CUX1: variants seen among roughly 807,000 people sequenced by gnomAD.
CUX1 encodes the protein cut like homeobox 1.
Under a neutral mutation model 158.8 loss-of-function variants are expected in CUX1, and 31 were observed. The ratio of observed to expected loss-of-function variants is 0.20; its 90% confidence interval spans 0.15 to 0.26. CUX1 has a LOEUF of 0.26. CUX1 is among the 10% of genes least tolerant of loss of function. CUX1 has a pLI of 1.00. For missense variants in CUX1, 1,589 were observed against 2,014.6 expected (o/e 0.79, Z 4.04); for synonymous variants, 879 against 862.1 (o/e 1.02, Z -0.34).
At chr7:101,883,238 T>C (rs1395371724) in intron 1 of CUX1, among the ~76,000 whole-genome samples, 1 of 152,246 alleles carries the variant, frequency 6.6e-6, no homozygotes, top group Non-Finnish European at 1.5e-5. Flanking sequence ...ATTTATGTTA[T>C]GGGGTGAGTT....
chr7:102,125,172 C>T (rs548267496), intron 8 of CUX1, among the ~76,000 whole-genome samples: 34 of 152,296 alleles, frequency 2.2e-4, no homozygotes, highest in African/African-American at 7.9e-4. Context: ...CGTGGCTCTC[C>T]AGGAACTCTT....
intron 21 of CUX1, among the ~76,000 whole-genome samples, chr7:102,228,044 C>A (rs1270920415): frequency 6.6e-6 from 1 of 151,318 alleles, no homozygotes. Flanking sequence ...TCTGCCTCCC[C>A]GGTTCAAGTG....
intron 2 of CUX1, among the ~76,000 whole-genome samples, chr7:101,984,148 A>ATATG (rs1221158972): frequency 2.7e-5 from 2 of 75,336 alleles, no homozygotes; most frequent in African/African-American, 5.2e-5. Context: ...ACATATATAT[A>ATATG]TGTGTGTGTG....
At position 102,227,350 on chromosome 7, in the gene CUX1, G is replaced by A. The variant is rs372362201; in HGVS notation, c.3131-17G>A. The A allele has an allele frequency of 3.9e-5, 62 of 1,588,894 alleles. No homozygotes were observed. Among genetic ancestry groups the A allele is most frequent in the South Asian group, 6.7e-5 (6 of 89,926 alleles). On this transcript the variant is annotated splice_polypyrimidine_tract_variant and intron_variant, in intron 20 of 23. Coordinates refer to ENST00000292535, the MANE Select transcript of CUX1 (RefSeq NM_181552.4). ...CAGCTATTTTCAGGCACGGTTTCTC[G>A]TGTGCTTTAATTACAGAAAGCACTC...
chr7:102,111,612 A>T (rs535948873), intron 6 of CUX1, 86 bp from the exon 7 acceptor site: 1 of 1,222,444 alleles, frequency 8.2e-7, no homozygotes, highest in African/African-American at 1.5e-5. Context: ...GAGCGCAGGG[A>T]GGGAGCTGAG....
At chr7:101,897,514 T>A (rs555703033) in intron 1 of CUX1, among the ~76,000 whole-genome samples, 227 of 137,526 alleles carry the variant, frequency 1.7e-3, no homozygotes, top group African/African-American at 6.6e-3. Context: ...AAAAAAAAAA[T>A]AATAATAATA....
intron 20 of CUX1, among the ~76,000 whole-genome samples, chr7:102,215,011 T>G (rs967138285): frequency 1.2e-4 from 19 of 152,072 alleles, no homozygotes; most frequent in Non-Finnish European, 2.4e-4. Context: ...ATAAGGAAAC[T>G]TTTATGGATG....
chr7:101,915,210 G>T (rs1286529188), intron 1 of CUX1, among the ~76,000 whole-genome samples: 1 of 152,176 alleles, frequency 6.6e-6, no homozygotes, highest in Non-Finnish European at 1.5e-5. Context: ...GGCGCCTGCT[G>T]TCAGCCTGGA....
intron 18 of CUX1, 123 bp downstream of exon 18, chr7:102,202,327 A>G (rs1795533904): frequency 7.5e-7 from 1 of 1,325,642 alleles, no homozygotes; most frequent in Non-Finnish European, 1.0e-6. Flanking sequence ...AGCGTAAGGC[A>G]TCCTCTGCTC....
At chr7:101,973,974 T>C (rs1812338282) in intron 2 of CUX1, among the ~76,000 whole-genome samples, 1 of 151,894 alleles carries the variant, frequency 6.6e-6, no homozygotes, top group African/African-American at 2.4e-5. Context: ...TTCACTATGT[T>C]GGCCAGGCTG....
intron 21 of CUX1, among the ~76,000 whole-genome samples, chr7:102,232,125 C>CT (rs782497486): frequency 5.3e-5 from 8 of 150,438 alleles, no homozygotes; most frequent in Non-Finnish European, 8.9e-5. Context: ...GTAAATTTAT[C>CT]TTTAAGTTTT....
chr7:101,914,791 G>A (rs1034196675), intron 1 of CUX1, among the ~76,000 whole-genome samples: 3 of 152,008 alleles, frequency 2.0e-5, no homozygotes, highest in South Asian at 2.1e-4. Context: ...GAGCCACCTC[G>A]CCCGGCCTGT....
At chr7:101,931,641 C>G (rs986003847) in intron 2 of CUX1, among the ~76,000 whole-genome samples, 5 of 152,158 alleles carry the variant, frequency 3.3e-5, no homozygotes, top group Non-Finnish European at 7.4e-5. Flanking sequence ...TCTCAGCTCA[C>G]TGCAACCTCT....
Position 102,249,099 on chromosome 7 carries a change from C to A in CUX1, c.*57C>A. On this transcript the variant is annotated 3_prime_UTR_variant, in exon 24 of 24. Coordinates refer to ENST00000292535, the MANE Select transcript of CUX1 (RefSeq NM_181552.4). The stretch of plus-strand genomic sequence containing the variant: ...TGGGCCGCAAGGGCCTGGACGGGGT[C>A]GGACGGGGCAGGCGCTGCGGACACC... 1 of 1,208,186 alleles carries A rather than the reference C, an allele frequency of 8.3e-7. No individual in the cohort carries two copies. The highest frequency in any genetic ancestry group is 3.2e-5 in the South Asian group (1 of 31,526). 74.8% of individuals were successfully genotyped at this position (1,208,186 alleles called of 1,614,324 possible).
chr7:102,022,690 T>A (rs1447841600), intron 2 of CUX1, among the ~76,000 whole-genome samples: 1 of 152,198 alleles, frequency 6.6e-6, no homozygotes, highest in Non-Finnish European at 1.5e-5. Context: ...TAAACATCAT[T>A]TATTTGCTGT....
chr7:101,886,067 G>A (rs1465615696), intron 1 of CUX1, among the ~76,000 whole-genome samples: 1 of 152,196 alleles, frequency 6.6e-6, no homozygotes, highest in Admixed American at 6.5e-5. Context: ...GAAGTGACAG[G>A]TGAGGCACTT....
chr7:102,261,930 A>T (rs1790428935), downstream of CUX1, among the ~76,000 whole-genome samples: 1 of 152,118 alleles, frequency 6.6e-6, no homozygotes, highest in African/African-American at 2.4e-5. Flanking sequence ...CCACCCTGGG[A>T]CACATAGCAA....
chr7:102,105,867 C>A (rs962062152), intron 6 of CUX1, among the ~76,000 whole-genome samples: 1 of 151,150 alleles, frequency 6.6e-6, no homozygotes, highest in Non-Finnish European at 1.5e-5. Flanking sequence ...GTTTTATACC[C>A]GCTCCCATCA....
Position 102,250,661 on chromosome 7 carries a change from C to A in CUX1, c.*1619C>A. On this transcript the variant is annotated 3_prime_UTR_variant, in exon 24 of 24. Coordinates refer to ENST00000292535, the MANE Select transcript of CUX1 (RefSeq NM_181552.4). The stretch of plus-strand genomic sequence containing the variant: ...ACCATTTGCCCTTCTTTCATTTCGC[C>A]TCTTAGTTCTTTTTATGCACAGTTT... 1.0e-6 allele frequency: 1 copy of A among 985,392 alleles called. No individual in the cohort carries two copies. Among genetic ancestry groups the A allele is most frequent in the Non-Finnish European group, 1.2e-6 (1 of 829,940 alleles). The allele number at this position is 985,392 out of a possible 1,614,324, so 61.0% of individuals were successfully genotyped here.
Sources: gnomAD v4.1 joint callset for allele counts (sites outside exome capture counted in the v4.1 genomes callset) on GRCh38, gnomAD v4.1.1 for gene constraint, MANE v1.5 for transcripts, NCBI Gene and HGNC (gene_info 2026-07-23, HGNC 2026-07-21) for gene names.